BDH1: variants seen among roughly 807,000 people sequenced by gnomAD.
BDH1 encodes 3-hydroxybutyrate dehydrogenase 1.
Under a neutral mutation model 33.1 loss-of-function variants are expected in BDH1, and 30 were observed. That is an observed-to-expected ratio of 0.91 (90% confidence interval 0.68 to 1.23). The LOEUF (loss-of-function observed/expected upper bound fraction) is 1.23. Among genes scored for constraint, BDH1 ranks in the 50% most tolerant of loss-of-function variants. BDH1 has a pLI of 0.00. For missense variants in BDH1, 443 were observed against 464.4 expected (o/e 0.95, Z 0.42); for synonymous variants, 190 against 183.6 (o/e 1.03, Z -0.28).
At chr3:197,553,527 CAAAAAAAAA>C (rs750811753) in intron 2 of BDH1, among the ~76,000 whole-genome samples, 20 of 97,094 alleles carry the variant, frequency 2.1e-4, no homozygotes, top group Admixed American at 2.0e-3. Context: ...GACTCTGTCT[CAAAAAAAAA>C]AAAAAAAAAA....
chr3:197,519,498 T>TAA (rs781300535), intron 6 of BDH1, among the ~76,000 whole-genome samples: 2 of 131,010 alleles, frequency 1.5e-5, no homozygotes, highest in East Asian at 2.2e-4. Context: ...CCTTCTTTAC[T>TAA]AAAAAAAAAA....
chr3:197,546,356 CT>C lies in BDH1; in HGVS notation c.83+4del. On this transcript the variant is annotated splice_donor_region_variant and intron_variant, in intron 3 of 7. Coordinates refer to ENST00000392379, the MANE Select transcript of BDH1 (RefSeq NM_203314.3). Reference sequence around the variant, plus strand: ...TCAAGGCCACCACCACCTCTGGTTGCTTACCTTGCTCCATTTTCTCTATCAC... The same window carrying C: ...TCAAGGCCACCACCACCTCTGGTTGCTACCTTGCTCCATTTTCTCTATCAC... The C allele has an allele frequency of 6.2e-7, 1 of 1,614,082 alleles. No homozygotes were observed. Among genetic ancestry groups the C allele is most frequent in the African/African-American group, 1.3e-5 (1 of 75,024 alleles).
intron 3 of BDH1, among the ~76,000 whole-genome samples, chr3:197,536,703 A>G (rs1418394656): frequency 6.6e-6 from 1 of 152,062 alleles, no homozygotes; most frequent in Admixed American, 6.6e-5. Context: ...CCAGCCGGGC[A>G]TGGTGAGGGG....
At chr3:197,543,421 C>G (rs560376293) in intron 3 of BDH1, among the ~76,000 whole-genome samples, 7 of 152,362 alleles carry the variant, frequency 4.6e-5, no homozygotes, top group African/African-American at 1.7e-4. Context: ...CCTGGCCTGG[C>G]AGAGCTGAGC....
chr3:197,567,198 G>A lies in BDH1; in HGVS notation c.-44+5983C>T, dbSNP rs534087898. Among the ~76,000 whole-genome samples the A allele has an allele frequency of 4.6e-5, 7 of 152,240 alleles. No individual in the cohort carries two copies. In the South Asian group the frequency reaches 1.2e-3, roughly 27 times the overall value. ...TGAGACACCAGATGAAACCTGGGAC[G>A]AGGGACTCATTTTCTCCTAAAATGC... is the stretch of plus-strand genomic sequence containing the variant. On this transcript the variant is annotated intron_variant, in intron 1 of 6. Transcript: ENST00000358186.
Position 197,532,424 on chromosome 3 carries a change from G to T in BDH1, c.255C>A (p.Gly85=). The change falls in exon 5 of 8, where the codon GGC becomes GGA. Residue 85 remains glycine (G), a synonymous_variant. Transcript: ENST00000392379. Reference sequence around the variant, plus strand: ...ACTCGTCTCTTACCTTCATCAAGCAGCCAGCAAACACAAGGAAGCCTTTTG... The same window carrying T: ...ACTCGTCTCTTACCTTCATCAAGCATCCAGCAAACACAAGGAAGCCTTTTG... ...LHSKGFLVFA[G]CLMKDKGHDG... The T allele has an allele frequency of 6.2e-7, 1 of 1,613,800 alleles. No individual in the cohort carries two copies. Among genetic ancestry groups the T allele is most frequent in the Non-Finnish European group, 8.5e-7 (1 of 1,179,638 alleles).
rs759168191 is a variant in BDH1, at chr3:197,520,788, C to A, written c.409+1852G>T. The stretch of plus-strand genomic sequence containing the variant: ...CGCCAGGGAAGGGCGAAGCAGGCTG[C>A]AGGTTCTGAGCCGGTAATCACCCCA... On this transcript the variant is annotated intron_variant, in intron 6 of 7. Transcript: ENST00000392379. The surrounding 1 kb of genome is among the most constrained non-coding windows in gnomAD (Gnocchi z 6.0). 7.9e-5 allele frequency among the ~76,000 whole-genome samples: 12 copies of A among 152,192 alleles called. No individual in the cohort carries two copies. Among genetic ancestry groups the A allele is most frequent in the Non-Finnish European group, 1.3e-4 (9 of 68,024 alleles).
At chr3:197,571,440 T>C (rs1319368962) in intron 1 of BDH1, among the ~76,000 whole-genome samples, 2 of 152,192 alleles carry the variant, frequency 1.3e-5, no homozygotes, top group African/African-American at 4.8e-5. Flanking sequence ...TCATCTTGAA[T>C]TATAGCTACC....
rs143463198 is a variant in BDH1, at chr3:197,550,968, C to T, written c.-44+3594G>A. ...GGTAGGTCGTAGTTCTATATATTTA[C>T]GGGGTACTATTTTGATATAGGCATA... On this transcript the variant is annotated intron_variant, in intron 2 of 7. Coordinates refer to ENST00000392379, the MANE Select transcript of BDH1 (RefSeq NM_203314.3). Among the ~76,000 whole-genome samples the T allele has an allele frequency of 4.3e-4, 66 of 152,232 alleles. 1 individual carries two copies. The East Asian group carries it at 0.012, about 27-fold the overall frequency.
At chr3:197,569,455 A>G (rs548198631) in intron 1 of BDH1, among the ~76,000 whole-genome samples, 1 of 152,270 alleles carries the variant, frequency 6.6e-6, no homozygotes, top group Admixed American at 6.5e-5. Context: ...TTATATTGAT[A>G]TGTTTTGGCT....
chr3:197,572,825 AAATTCT>A (rs1717654221), intron 1 of BDH1, among the ~76,000 whole-genome samples: 2 of 152,348 alleles, frequency 1.3e-5, no homozygotes, highest in Admixed American at 6.5e-5. Context: ...TCTGAACTTC[AAATTCT>A]ATTTTTTTCA....
chr3:197,518,854 C>G (rs1579881801), intron 6 of BDH1, among the ~76,000 whole-genome samples: 1 of 81,596 alleles, frequency 1.2e-5, no homozygotes, highest in Non-Finnish European at 2.5e-5. Context: ...CAGGCCGACC[C>G]CCCTCATCAG....
In BDH1 at chr3:197,521,796, C is replaced by T. The variant is rs1319974842; in HGVS notation, c.409+844G>A. Reference sequence around the variant, plus strand: ...CCTTCCTGTTTCCCAACACCTACCACCCTAGTTCCGGAGTCCAGAACCCAT... The same window carrying T: ...CCTTCCTGTTTCCCAACACCTACCATCCTAGTTCCGGAGTCCAGAACCCAT... On this transcript the variant is annotated intron_variant, in intron 6 of 7. Coordinates refer to ENST00000392379, the MANE Select transcript of BDH1 (RefSeq NM_203314.3). The surrounding 1 kb of genome is among the most constrained non-coding windows in gnomAD (Gnocchi z 4.9). 6.6e-6 allele frequency among the ~76,000 whole-genome samples: 1 copy of T among 152,232 alleles called. No individual in the cohort carries two copies. Among genetic ancestry groups the T allele is most frequent in the Admixed American group, 6.5e-5 (1 of 15,290 alleles).
rs1323869528 is a variant in BDH1 at position 197,510,671 on chromosome 3, T to A, written c.*1224A>T. The A allele has an allele frequency of 2.2e-5, 1 of 46,432 alleles. No individual in the cohort carries two copies. The highest frequency in any genetic ancestry group is 2.5e-4 in the Admixed American group (1 of 4,078). 2.9% of individuals were successfully genotyped at this position (46,432 alleles called of 1,614,324 possible). A position where few individuals can be genotyped will look rare whatever the true frequency, so the allele number is the denominator to read the frequency against. ...GTGTGTGTGTGTGTGTGTGTGTGTG[T>A]ACATGTGTGTAAGGTGTGTGTGTGT... On this transcript the variant is annotated 3_prime_UTR_variant, in exon 8 of 8. Transcript: ENST00000392379.
In BDH1 at chr3:197,554,986, C is replaced by T. The variant is rs1202784346; in HGVS notation, c.-195-273G>A. ...GCCGGAGGGCGGGGAGAGAGGGGGG[C>T]TCGGCCAGAGCCACGCTTCCCATTG... On this transcript the variant is annotated intron_variant, in intron 1 of 7. Transcript: ENST00000392379. The surrounding 1 kb of genome is among the most constrained non-coding windows in gnomAD (Gnocchi z 4.4). Among the ~76,000 whole-genome samples the T allele has an allele frequency of 6.6e-6, 1 of 152,246 alleles. No homozygotes were observed. Among genetic ancestry groups the T allele is most frequent in the African/African-American group, 2.4e-5 (1 of 41,468 alleles).
intron 3 of BDH1, among the ~76,000 whole-genome samples, chr3:197,543,980 A>G (rs1022153364): frequency 3.3e-5 from 5 of 152,136 alleles, no homozygotes; most frequent in Admixed American, 6.5e-5. Flanking sequence ...CTGCTATGAG[A>G]GGTACTAACC....
At chr3:197,536,299 T>G (rs1715149342) in intron 3 of BDH1, among the ~76,000 whole-genome samples, 1 of 152,250 alleles carries the variant, frequency 6.6e-6, no homozygotes, top group African/African-American at 2.4e-5. Context: ...TTTATTTTTC[T>G]TCTTCAAAAT....
chr3:197,553,296 C>T (rs988507275), intron 2 of BDH1, among the ~76,000 whole-genome samples: 1 of 149,026 alleles, frequency 6.7e-6, no homozygotes, highest in Non-Finnish European at 1.5e-5. Context: ...TTTGGGAGGC[C>T]GAGGTGGGCA....
At chr3:197,561,329 T>C (rs1368063982) in intron 1 of BDH1, among the ~76,000 whole-genome samples, 6 of 152,118 alleles carry the variant, frequency 3.9e-5, no homozygotes, top group Non-Finnish European at 8.8e-5. Context: ...TTTATTTTTC[T>C]GTACAACTCC....
Sources: gnomAD v4.1 joint callset for allele counts (sites outside exome capture counted in the v4.1 genomes callset) on GRCh38, gnomAD v4.1.1 for gene constraint, Gnocchi (gnomAD v3.1) non-coding constraint, MANE v1.5 for transcripts, NCBI Gene and HGNC (gene_info 2026-07-23, HGNC 2026-07-21) for gene names.